Variants in GRTP1 observed in about 807,000 individuals in gnomAD.
GRTP1 encodes growth hormone-regulated TBC protein 1.
GRTP1 carries 56 observed loss-of-function variants against 38.1 expected under a neutral mutation model. The ratio of observed to expected loss-of-function variants is 1.47; its 90% confidence interval spans 1.19 to 1.84. The LOEUF (loss-of-function observed/expected upper bound fraction) is 1.84. GRTP1 is among the 40% of genes most tolerant of loss of function. GRTP1 has a pLI of 0.00. For synonymous variants in GRTP1, 217 were observed against 189.5 expected (o/e 1.14, Z -1.19); for missense variants, 506 against 453.9 (o/e 1.11, Z -1.04).
At position 113,346,012 on chromosome 13, in the gene GRTP1, GCGGC is replaced by G. The variant is rs1256564755; in HGVS notation, c.466-1057_466-1054del. ...CGAGAGTGGACCCGAGAGGACCTCT[GCGGC>G]TGAGCAGACCTGGGAAGACATCTGT... On this transcript the variant is annotated intron_variant, in intron 4 of 7. Coordinates refer to ENST00000375431, the MANE Select transcript of GRTP1 (RefSeq NM_024719.4). 4.9e-4 allele frequency among the ~76,000 whole-genome samples: 46 copies of G among 94,708 alleles called. 1 individual carries two copies. The highest frequency in any genetic ancestry group is 1.3e-3 in the Admixed American group (12 of 9,392). 62.1% of individuals were successfully genotyped at this position (94,708 alleles called of 152,430 possible). A position where few individuals can be genotyped will look rare whatever the true frequency, so the allele number is the denominator to read the frequency against.
chr13:113,331,288 C>A (rs906092470), intron 5 of GRTP1, among the ~76,000 whole-genome samples: 1 of 152,220 alleles, frequency 6.6e-6, no homozygotes, highest in Non-Finnish European at 1.5e-5. Context: ...ACAGGATTGA[C>A]CATGGCAGAG....
chr13:113,336,430 T>A (rs1296616849), intron 5 of GRTP1, among the ~76,000 whole-genome samples: 2 of 151,836 alleles, frequency 1.3e-5, no homozygotes, highest in African/African-American at 2.4e-5. Flanking sequence ...CAAAGTGCCC[T>A]CGGTGTGCCG....
chr13:113,352,941 G>T (rs547837143), intron 3 of GRTP1, among the ~76,000 whole-genome samples: 4 of 151,926 alleles, frequency 2.6e-5, no homozygotes, highest in Admixed American at 1.3e-4. Context: ...CCACACTCTG[G>T]GTAGGAGCCC....
chr13:113,331,970 T>A (rs951103447), intron 5 of GRTP1, among the ~76,000 whole-genome samples: 1 of 151,050 alleles, frequency 6.6e-6, no homozygotes, highest in African/African-American at 2.4e-5. Flanking sequence ...TGTTTACATT[T>A]AAAAAAAGGT....
Position 113,326,026 on chromosome 13 carries a change from C to G in GRTP1, c.628G>C (p.Ala210Pro). Residue 210 changes from alanine (A) to proline (P), a missense_variant, in exon 6 of 8, where the codon GCG (alanine) becomes CCG (proline). Coordinates refer to ENST00000375431, the MANE Select transcript of GRTP1 (RefSeq NM_024719.4). ...DQEVLGELVR[A>P]KLPAVGALME... ...AGGGCCCCCACAGCCGGCAGCTTCG[C>G]CCGCACCAGCTCCCCGAGGACCTCC... 4 of 1,613,430 alleles carry G rather than the reference C, an allele frequency of 2.5e-6. No homozygotes were observed. The highest frequency in any genetic ancestry group is 3.4e-6 in the Non-Finnish European group (4 of 1,179,898).
chr13:113,354,344 C>A (rs1481596640), intron 3 of GRTP1, among the ~76,000 whole-genome samples: 1 of 152,120 alleles, frequency 6.6e-6, no homozygotes, highest in Admixed American at 6.5e-5. Context: ...GGACAGGAGA[C>A]CCCCAGGAAG....
chr13:113,355,409 T>C lies in GRTP1; in HGVS notation c.254A>G (p.Gln85Arg), dbSNP rs1296396620. ...GCCGGGATTCTGGTCCATCTGCGCC[T>C]GGGCCCCACTCAGCACCATCCAGAC... ...ARVWMVLSGA[Q>R]AQMDQNPGYY... is the part of the protein sequence containing the mutation. Residue 85 changes from glutamine (Q) to arginine (R), a missense_variant, in exon 3 of 8, where the codon CAG becomes CGG. Gln to Arg is a conservative substitution (Grantham distance 43). Coordinates refer to ENST00000375431, the MANE Select transcript of GRTP1 (RefSeq NM_024719.4). The C allele has an allele frequency of 1.2e-6, 2 of 1,614,128 alleles. No homozygotes were observed. Among genetic ancestry groups the C allele is most frequent in the Non-Finnish European group, 1.7e-6 (2 of 1,180,016 alleles).
chr13:113,345,110 T>C lies in GRTP1; in HGVS notation c.466-151A>G, dbSNP rs920760492. On this transcript the variant is annotated intron_variant, in intron 4 of 7. Transcript: ENST00000375431. ...GCAGAATGATCCTTTAGTAGAACTC[T>C]AGAGTCACTAAATACCTACCGTCTA... is the stretch of plus-strand genomic sequence containing the variant. The C allele has an allele frequency of 1.4e-5, 11 of 766,584 alleles. No individual in the cohort carries two copies. In the African/African-American group the frequency reaches 2.0e-4, roughly 14 times the overall value. 47.5% of individuals were successfully genotyped at this position (766,584 alleles called of 1,614,324 possible). A position where few individuals can be genotyped will look rare whatever the true frequency, so the allele number is the denominator to read the frequency against.
chr13:113,355,232 C>T, intron 3 of GRTP1, 91 bp downstream of exon 3: 1 of 1,327,786 alleles, frequency 7.5e-7, no homozygotes, highest in Non-Finnish European at 1.0e-6. Flanking sequence ...GCGCACCGCT[C>T]ACCCCTGGAC....
intron 5 of GRTP1, among the ~76,000 whole-genome samples, chr13:113,341,149 C>T (rs1050596779): frequency 4.6e-5 from 7 of 151,844 alleles, no homozygotes; most frequent in Admixed American, 3.9e-4. Flanking sequence ...CTCACGAATG[C>T]ACCAATCACG....
intron 2 of GRTP1, among the ~76,000 whole-genome samples, chr13:113,361,208 GC>G (rs2043491422): frequency 2.0e-5 from 1 of 50,988 alleles, no homozygotes; most frequent in Admixed American, 3.3e-4. Flanking sequence ...AGAGACCAAT[GC>G]TAAAAAAAAA....
At chr13:113,345,421 G>A (rs2043087110) in intron 4 of GRTP1, among the ~76,000 whole-genome samples, 2 of 152,226 alleles carry the variant, frequency 1.3e-5, no homozygotes, top group South Asian at 4.1e-4. Flanking sequence ...GGAAATCCAC[G>A]TGCACACCTG....
In GRTP1 at chr13:113,349,683, T is replaced by C. The variant is rs2043225860; in HGVS notation, c.465+1166A>G. Among the ~76,000 whole-genome samples the C allele has an allele frequency of 6.6e-6, 1 of 152,324 alleles. No homozygotes were observed. Among genetic ancestry groups the C allele is most frequent in the South Asian group, 2.1e-4 (1 of 4,830 alleles). On this transcript the variant is annotated intron_variant, in intron 4 of 7. Transcript: ENST00000375431. This position sits in a 1 kb window ranked among gnomAD's most constrained non-coding sequence, Gnocchi z 5.0. ...GGTCCCGTGGCTCTGCTGCTGGCCT[T>C]TCACAGGGCGCTCCTCACGCAACGT... is the stretch of plus-strand genomic sequence containing the variant.
rs1182765465 is a variant in GRTP1 at position 113,343,411 on chromosome 13, T to A, written c.562+1452A>T. On this transcript the variant is annotated intron_variant, in intron 5 of 7. Coordinates refer to ENST00000375431, the MANE Select transcript of GRTP1 (RefSeq NM_024719.4). The surrounding 1 kb of genome is among the most constrained non-coding windows in gnomAD (Gnocchi z 4.8). ...CGGGAGCTCTGTGGGGTTCCCTTCCTCTGGGGCGGCTCCGTCAGGCTGGTC... is the reference window on the plus strand; with the variant it reads ...CGGGAGCTCTGTGGGGTTCCCTTCCACTGGGGCGGCTCCGTCAGGCTGGTC... Among the ~76,000 whole-genome samples the A allele has an allele frequency of 1.3e-5, 2 of 152,186 alleles. No homozygotes were observed. Among genetic ancestry groups the A allele is most frequent in the African/African-American group, 4.8e-5 (2 of 41,446 alleles).
chr13:113,325,189 C>T, intron 7 of GRTP1: 1 of 1,085,802 alleles, frequency 9.2e-7, no homozygotes, highest in Non-Finnish European at 1.1e-6. Context: ...GTTTGCCATG[C>T]TGCACCCAGA....
At chr13:113,338,117 C>T (rs917334749) in intron 5 of GRTP1, among the ~76,000 whole-genome samples, 3 of 152,214 alleles carry the variant, frequency 2.0e-5, no homozygotes, top group African/African-American at 4.8e-5. Context: ...CTCAGTCACG[C>T]GGCAGGGCCC....
In GRTP1 at chr13:113,348,457, A is replaced by G. The variant is rs886913910; in HGVS notation, c.465+2392T>C. On this transcript the variant is annotated intron_variant, in intron 4 of 7. Transcript: ENST00000375431. The surrounding 1 kb of genome is among the most constrained non-coding windows in gnomAD (Gnocchi z 4.8). ...CAGAGCGAGACCGTGTGCACTGTGT[A>G]ACTCTACACATATGCCACACATTGA... 1.3e-5 allele frequency among the ~76,000 whole-genome samples: 2 copies of G among 152,162 alleles called. No individual in the cohort carries two copies. The highest frequency in any genetic ancestry group is 2.9e-5 in the Non-Finnish European group (2 of 68,010).
intron 7 of GRTP1, chr13:113,324,827 G>A (rs974267887): frequency 5.5e-5 from 66 of 1,196,958 alleles, no homozygotes; most frequent in Non-Finnish European, 6.4e-5. Flanking sequence ...GCTTCCATTA[G>A]ACTTTTTTTT....
At chr13:113,345,004 C>T (rs1348815455) in intron 4 of GRTP1, 45 bp from the exon 5 acceptor site, 4 of 1,567,876 alleles carry the variant, frequency 2.6e-6, no homozygotes, top group Non-Finnish European at 3.4e-6. Flanking sequence ...GAGTTTTAAG[C>T]CCCCATTTGA....
Sources: allele counts gnomAD v4.1 joint callset (sites outside exome capture counted in the v4.1 genomes callset), GRCh38; gene constraint gnomAD v4.1.1; non-coding constraint Gnocchi (gnomAD v3.1); transcripts MANE v1.5; gene names NCBI Gene and HGNC (gene_info 2026-07-23, HGNC 2026-07-21).